Variants in ARID2 observed in about 807,000 individuals in gnomAD.
ARID2 encodes AT-rich interaction domain 2.
In ARID2, 32 loss-of-function variants were observed where a neutral mutation model predicts 184.6. The ratio of observed to expected loss-of-function variants is 0.17; its 90% CI spans 0.13 to 0.23. ARID2 has a LOEUF of 0.23. Ranked by LOEUF, ARID2 falls within the 10% of genes least tolerant of loss-of-function variation. The pLI, the probability that ARID2 is intolerant of heterozygous loss-of-function variation, is 1.00. For synonymous variants in ARID2, 836 were observed against 772.6 expected (o/e 1.08, Z -1.36); for missense variants, 1,696 against 2,197.6 (o/e 0.77, Z 4.56).
intron 3 of ARID2, among the ~76,000 whole-genome samples, chr12:45,770,208 G>A (rs1164800650): frequency 2.0e-5 from 3 of 151,730 alleles, no homozygotes; most frequent in South Asian, 2.1e-4. Context: ...AGCCGAGATC[G>A]TGCCACTGCA....
chr12:45,826,660 C>G (rs1943008056), intron 6 of ARID2, among the ~76,000 whole-genome samples: 1 of 152,070 alleles, frequency 6.6e-6, no homozygotes, highest in South Asian at 2.1e-4. Flanking sequence ...CTCAAGCAGT[C>G]CTCCTGCCTC....
intron 16 of ARID2, among the ~76,000 whole-genome samples, chr12:45,890,595 G>C (rs1272338036): frequency 1.3e-5 from 2 of 152,092 alleles, no homozygotes; most frequent in African/African-American, 4.8e-5. Context: ...TGTATTTACT[G>C]ATTTTAGCCT....
intron 14 of ARID2, 65 bp from the exon 15 acceptor site, chr12:45,849,971 A>G: frequency 6.6e-7 from 1 of 1,526,276 alleles, no homozygotes; most frequent in Non-Finnish European, 8.8e-7. Flanking sequence ...CTTAAGTAAA[A>G]TAATTCCTAC....
intron 6 of ARID2, among the ~76,000 whole-genome samples, chr12:45,822,130 C>T (rs1942910003): frequency 6.6e-6 from 1 of 152,060 alleles, no homozygotes; most frequent in South Asian, 2.1e-4. Flanking sequence ...TCATGAGATA[C>T]ATTCAAGTAT....
intron 3 of ARID2, among the ~76,000 whole-genome samples, chr12:45,797,925 TA>T (rs1443672813): frequency 1.3e-5 from 2 of 151,994 alleles, no homozygotes; most frequent in Non-Finnish European, 2.9e-5. Flanking sequence ...AGCACATTCT[TA>T]AAAAGAAAAT....
chr12:45,729,993 G>A (rs377186982), intron 1 of ARID2, 51 bp from the exon 2 acceptor site: 8 of 1,607,068 alleles, frequency 5.0e-6, no homozygotes, highest in Non-Finnish European at 6.8e-6. Context: ...TCCCGCCCGG[G>A]CCGGGCACGG....
At chr12:45,845,699 A>G (rs1464434071) in intron 11 of ARID2, among the ~76,000 whole-genome samples, 3 of 152,178 alleles carry the variant, frequency 2.0e-5, no homozygotes, top group Non-Finnish European at 4.4e-5. Context: ...ATTGCCTCAG[A>G]TCATTCACAC....
chr12:45,833,380 C>A (rs1943158208), intron 6 of ARID2, among the ~76,000 whole-genome samples: 1 of 152,128 alleles, frequency 6.6e-6, no homozygotes, highest in South Asian at 2.1e-4. Flanking sequence ...ATTTTTATAT[C>A]ACTGAACATA....
chr12:45,776,945 G>C (rs922899062), intron 3 of ARID2, among the ~76,000 whole-genome samples: 1 of 151,422 alleles, frequency 6.6e-6, no homozygotes, highest in African/African-American at 2.4e-5. Context: ...ACCATGCCCA[G>C]CTAATTTATG....
At chr12:45,868,892 T>C (rs1943872393) in intron 16 of ARID2, among the ~76,000 whole-genome samples, 1 of 152,210 alleles carries the variant, frequency 6.6e-6, no homozygotes, top group South Asian at 2.1e-4. Context: ...TCGCAGTTTT[T>C]TATGATTTAT....
intron 16 of ARID2, among the ~76,000 whole-genome samples, chr12:45,884,394 TCAAACAAACAAA>T (rs535656807): frequency 6.6e-6 from 1 of 152,064 alleles, no homozygotes; most frequent in South Asian, 2.1e-4. Context: ...AGATTCTGTC[TCAAACAAACAAA>T]CAAACAAACA....
intron 20 of ARID2, among the ~76,000 whole-genome samples, chr12:45,897,156 G>A (rs1944381301): frequency 6.6e-6 from 1 of 152,198 alleles, no homozygotes; most frequent in South Asian, 2.1e-4. Context: ...TTTTCCATAA[G>A]TATGACAATT....
chr12:45,759,017 A>G (rs1941624171), intron 3 of ARID2, among the ~76,000 whole-genome samples: 3 of 152,098 alleles, frequency 2.0e-5, no homozygotes, highest in Admixed American at 2.0e-4. Flanking sequence ...ACACACACAT[A>G]TGTGTATGTA....
intron 20 of ARID2, among the ~76,000 whole-genome samples, chr12:45,904,626 G>A (rs868849586): frequency 6.7e-6 from 1 of 149,608 alleles, no homozygotes; most frequent in East Asian, 2.0e-4. Context: ...GGGAGGTGGA[G>A]GTTGCAGTGA....
chr12:45,894,490 C>A (rs935293715), intron 20 of ARID2, among the ~76,000 whole-genome samples: 1 of 152,072 alleles, frequency 6.6e-6, no homozygotes, highest in Admixed American at 6.6e-5. Context: ...CCTTGTCTTA[C>A]GTCTTTTATG....
chr12:45,738,606 C>T (rs111402995), intron 3 of ARID2, among the ~76,000 whole-genome samples: 2 of 152,230 alleles, frequency 1.3e-5, no homozygotes, highest in East Asian at 1.9e-4. Flanking sequence ...CCACTGCACC[C>T]GGCTGGCCGG....
chr12:45,732,285 G>A (rs763203411), intron 3 of ARID2, among the ~76,000 whole-genome samples: 1 of 152,008 alleles, frequency 6.6e-6, no homozygotes, highest in African/African-American at 2.4e-5. Context: ...TTTGAGTTTT[G>A]CATTTATTAT....
chr12:45,904,549 G>A (rs1944496428), intron 20 of ARID2, among the ~76,000 whole-genome samples: 1 of 151,972 alleles, frequency 6.6e-6, no homozygotes, highest in Admixed American at 6.6e-5. Context: ...AAATTAGCTG[G>A]GCGTGGTGGC....
intron 11 of ARID2, among the ~76,000 whole-genome samples, chr12:45,842,985 G>A (rs1943380225): frequency 1.3e-5 from 2 of 151,906 alleles, no homozygotes; most frequent in African/African-American, 4.8e-5. Context: ...GATGAAGATA[G>A]AATTTACAGT....
Sources: gnomAD v4.1 joint callset for allele counts (sites outside exome capture counted in the v4.1 genomes callset) on GRCh38, gnomAD v4.1.1 for gene constraint, MANE v1.5 for transcripts, NCBI Gene and HGNC (gene_info 2026-07-23, HGNC 2026-07-21) for gene names.